Variants in LUC7L observed in about 807,000 individuals in gnomAD.
LUC7L encodes LUC7 like.
A neutral mutation model predicts 51.1 loss-of-function variants in LUC7L; 29 were observed. The ratio of observed to expected loss-of-function variants is 0.57; its 90% CI spans 0.42 to 0.77. The LOEUF is 0.77. LUC7L is among the 30% of genes least tolerant of loss of function. The pLI is 0.00. For missense variants in LUC7L, 403 were observed against 511.9 expected, an observed-to-expected ratio of 0.79 and a Z score of 2.05; for synonymous variants, 181 against 180.7, an observed-to-expected ratio of 1.00 and a Z score of -0.01.
intron 5 of LUC7L, among the ~76,000 whole-genome samples, chr16:202,552 A>G (rs1373764213): frequency 6.6e-6 from 1 of 152,198 alleles, no homozygotes; most frequent in East Asian, 1.9e-4. Context: ...AGTATTCAGC[A>G]CAGTAACATG....
rs948660981 is a variant in LUC7L at position 208,504 on chromosome 16, T to C, written c.256-316A>G. The C allele has an allele frequency of 9.3e-6, 5 of 539,846 alleles. No individual in the cohort carries two copies. The South Asian group carries it at 1.5e-4, about 16-fold the overall frequency. 33.4% of individuals were successfully genotyped at this position (539,846 alleles called of 1,614,324 possible). A position where few individuals can be genotyped will look rare whatever the true frequency, so the allele number is the denominator to read the frequency against. On this transcript the variant is annotated intron_variant, in intron 3 of 9. Coordinates refer to ENST00000293872, the MANE Select transcript of LUC7L (RefSeq NM_201412.3). ...GGAAAATTAAAACACTTGGCAGCAA[T>C]TCATAGAGTTCTCGGAGGGACAGAA...
At chr16:192,475 G>A in intron 7 of LUC7L, among the ~76,000 whole-genome samples, 1 of 138,386 alleles carries the variant, frequency 7.2e-6, no homozygotes, top group South Asian at 2.4e-4. Context: ...GTTTTGTTTT[G>A]TTTTGTTGGA....
chr16:197,886 G>A (rs949449992), intron 6 of LUC7L, among the ~76,000 whole-genome samples: 1 of 152,108 alleles, frequency 6.6e-6, no homozygotes, highest in East Asian at 1.9e-4. Context: ...CCTAGTATGC[G>A]GTAAGGGGGG....
intron 4 of LUC7L, among the ~76,000 whole-genome samples, chr16:207,348 G>T (rs1415715767): frequency 6.6e-6 from 1 of 151,932 alleles, no homozygotes; most frequent in Non-Finnish European, 1.5e-5. Context: ...TCAGCCTCCT[G>T]AGTAACTGGG....
intron 3 of LUC7L, among the ~76,000 whole-genome samples, chr16:212,690 G>A (rs916236884): frequency 6.6e-6 from 1 of 152,090 alleles, no homozygotes; most frequent in Admixed American, 6.6e-5. Flanking sequence ...CACATGGCCA[G>A]ACAACATGGG....
chr16:206,130 C>T lies in LUC7L; in HGVS notation c.384G>A (p.Glu128=). The T allele has an allele frequency of 6.2e-7, 1 of 1,613,122 alleles. No individual in the cohort carries two copies. Residue 128 remains glutamate, a synonymous_variant, in exon 5 of 10, where the codon GAG becomes GAA. Coordinates refer to ENST00000293872, the MANE Select transcript of LUC7L (RefSeq NM_201412.3). The stretch of plus-strand genomic sequence containing the variant: ...GGAGTTTTCCTATTTCTTCATTTAA[C>T]TCATGTACTTTTTCTGCCTGTGAGG... The part of the protein sequence containing the change: ...EVSAKAEKVH[E]LNEEIGKLLA...
intron 9 of LUC7L, chr16:189,596 AT>A: frequency 1.5e-6 from 2 of 1,356,216 alleles, no homozygotes; most frequent in Non-Finnish European, 1.9e-6. Context: ...ATACAACACT[AT>A]ATGCACAGAA....
At chr16:207,517 G>A (rs1484051914) in intron 4 of LUC7L, among the ~76,000 whole-genome samples, 2 of 152,114 alleles carry the variant, frequency 1.3e-5, no homozygotes, top group African/African-American at 4.8e-5. Context: ...ACCAAACTCA[G>A]CGAAGAATAT....
intron 4 of LUC7L, 139 bp from the exon 5 acceptor site, chr16:206,286 C>T: frequency 2.6e-6 from 2 of 777,464 alleles, no homozygotes; most frequent in Non-Finnish European, 4.2e-6. Context: ...TGAAGGCATC[C>T]TTACTGCCAG....
At chr16:221,111 C>T (rs1420822048) in intron 2 of LUC7L, among the ~76,000 whole-genome samples, 1 of 150,504 alleles carries the variant, frequency 6.6e-6, no homozygotes, top group African/African-American at 2.4e-5. Flanking sequence ...CCTCTGCCTC[C>T]GGGGTTCAGG....
chr16:227,382 A>G (rs2050158089), intron 1 of LUC7L, 46 bp from the exon 2 acceptor site: 5 of 1,559,310 alleles, frequency 3.2e-6, no homozygotes, highest in Non-Finnish European at 3.5e-6. Context: ...TATCACATTA[A>G]CCACCAAAAA....
At chr16:224,388 G>T (rs772450187) in intron 2 of LUC7L, among the ~76,000 whole-genome samples, 4 of 151,634 alleles carry the variant, frequency 2.6e-5, no homozygotes, top group African/African-American at 7.3e-5. Flanking sequence ...GTGTGGTAGC[G>T]CACGTTTGTA....
At chr16:229,225 G>T (rs1366670410) in intron 1 of LUC7L, 54 bp downstream of exon 1, 6 of 1,511,860 alleles carry the variant, frequency 4.0e-6, no homozygotes, top group Non-Finnish European at 5.3e-6. Context: ...GCCGCCCGGC[G>T]GCCTCGCCTC....
chr16:202,251 G>C (rs929350641), intron 5 of LUC7L, among the ~76,000 whole-genome samples: 2 of 151,904 alleles, frequency 1.3e-5, no homozygotes, highest in East Asian at 3.9e-4. Context: ...AAGAAGGAGT[G>C]AGACAGAGAG....
rs529053272 is a variant in LUC7L at position 193,952 on chromosome 16, C to T, written c.688-937G>A. 2.6e-5 allele frequency among the ~76,000 whole-genome samples: 4 copies of T among 151,432 alleles called. No homozygotes were observed. In the South Asian group the frequency reaches 6.3e-4, roughly 24 times the overall value. Reference sequence around the variant, plus strand: ...CGGAGTAGCTGGGATTACAGGCGCCCGGCACTGCGCCCGGCTAATTTTTTG... The same window carrying T: ...CGGAGTAGCTGGGATTACAGGCGCCTGGCACTGCGCCCGGCTAATTTTTTG... On this transcript the variant is annotated intron_variant, in intron 6 of 9. Coordinates refer to ENST00000293872, the MANE Select transcript of LUC7L (RefSeq NM_201412.3).
Position 208,023 on chromosome 16 carries a change from T to C in LUC7L, c.366+55A>G, listed in dbSNP as rs555262588. ...GACTCCATCTCAAAAAAAAAAGCTA[T>C]TGACAAGCCAGTATTTTTAAGAACA... On this transcript the variant is annotated intron_variant, in intron 4 of 9. Transcript: ENST00000293872. 61 of 1,268,098 alleles carry C rather than the reference T, an allele frequency of 4.8e-5. No homozygotes were observed. The African/African-American group carries it at 7.3e-4, about 15-fold the overall frequency. The allele number at this position is 1,268,098 out of a possible 1,614,324, so 78.6% of individuals were successfully genotyped here. A position where few individuals can be genotyped will look rare whatever the true frequency, so the allele number is the denominator to read the frequency against.
chr16:216,631 C>T (rs549276586), intron 3 of LUC7L, among the ~76,000 whole-genome samples: 28 of 152,262 alleles, frequency 1.8e-4, no homozygotes, highest in African/African-American at 4.1e-4. Context: ...CTGCCCGCCT[C>T]GGCCTCCCGA....
At chr16:227,007 A>C (rs111794747) in intron 2 of LUC7L, among the ~76,000 whole-genome samples, 8,221 of 152,218 alleles carry the variant, frequency 0.054, 260 homozygotes, top group Non-Finnish European at 0.068. Context: ...CCAGGAGTTC[A>C]AGGCTGCAGT....
intron 5 of LUC7L, among the ~76,000 whole-genome samples, chr16:203,089 TGCA>T (rs1396408500): frequency 6.6e-6 from 1 of 152,118 alleles, no homozygotes; most frequent in Non-Finnish European, 1.5e-5. Flanking sequence ...AGTTGGAGGT[TGCA>T]GCGAGCCATC....
Sources: gnomAD v4.1 joint callset for allele counts (sites outside exome capture counted in the v4.1 genomes callset) on GRCh38, gnomAD v4.1.1 for gene constraint, MANE v1.5 for transcripts, NCBI Gene and HGNC (gene_info 2026-07-23, HGNC 2026-07-21) for gene names.